The following CSTPP1 variants were observed in gnomAD, a reference collection of about 807,000 sequenced individuals.
CSTPP1 encodes centriolar satellite-associated tubulin polyglutamylase complex regulator 1.
chr11:46,974,620 C>G, the CSTPP1 span, among the ~76,000 whole-genome samples: 2 of 151,138 alleles, frequency 1.3e-5, no homozygotes, highest in African/African-American at 4.9e-5. Flanking sequence ...GTGGGTGGTT[C>G]ACTTGAGATC....
At chr11:47,083,012 T>C in the CSTPP1 span, among the ~76,000 whole-genome samples, 1 of 152,124 alleles carries the variant, frequency 6.6e-6, no homozygotes, top group African/African-American at 2.4e-5. Context: ...CATTAGCTAT[T>C]TTTTCTAATG....
the CSTPP1 span, among the ~76,000 whole-genome samples, chr11:47,078,300 T>G: frequency 6.6e-6 from 1 of 152,180 alleles, no homozygotes. Context: ...CCATTTTAGT[T>G]GAGTGACGGA....
the CSTPP1 span, among the ~76,000 whole-genome samples, chr11:47,075,517 A>T: frequency 6.6e-6 from 1 of 152,212 alleles, no homozygotes; most frequent in Admixed American, 6.5e-5. Context: ...CATAAGTAAA[A>T]ACTGATTTGG....
chr11:47,055,169 G>A, the CSTPP1 span, among the ~76,000 whole-genome samples: 4 of 151,964 alleles, frequency 2.6e-5, no homozygotes, highest in Admixed American at 1.3e-4. Context: ...CTGGGCTCAA[G>A]CCACTCGTCC....
chr11:46,992,226 AT>A, the CSTPP1 span, among the ~76,000 whole-genome samples: 77 of 149,968 alleles, frequency 5.1e-4, 1 homozygote, highest in African/African-American at 8.3e-4. Flanking sequence ...TTCTTTTTTT[AT>A]TTTTTTTATT....
the CSTPP1 span, among the ~76,000 whole-genome samples, chr11:47,013,403 G>A: frequency 1.3e-5 from 2 of 151,936 alleles, no homozygotes; most frequent in Non-Finnish European, 2.9e-5. Context: ...TCTCCCTCCT[G>A]CACCCCTCCT....
At chr11:47,128,915 G>C in the CSTPP1 span, among the ~76,000 whole-genome samples, 1 of 151,924 alleles carries the variant, frequency 6.6e-6, no homozygotes, top group Non-Finnish European at 1.5e-5. Context: ...CTTCATTCTG[G>C]CTTTAAACAC....
chr11:46,943,842 G>T, the CSTPP1 span, among the ~76,000 whole-genome samples: 1 of 151,862 alleles, frequency 6.6e-6, no homozygotes, highest in Non-Finnish European at 1.5e-5. Context: ...GACATAGTGA[G>T]ACTTCGTCTC....
At chr11:47,155,993 T>C in the CSTPP1 span, 1 of 152,220 alleles carries the variant, frequency 6.6e-6, no homozygotes, top group Non-Finnish European at 1.5e-5. Context: ...GGTTTACAAA[T>C]TGCTGACTGT....
At chr11:46,978,939 T>A in the CSTPP1 span, among the ~76,000 whole-genome samples, 44 of 152,230 alleles carry the variant, frequency 2.9e-4, no homozygotes, top group African/African-American at 1.0e-3. Flanking sequence ...GAATGCCAAC[T>A]AATTTTTATG....
At chr11:47,113,044 A>G in the CSTPP1 span, among the ~76,000 whole-genome samples, 1 of 152,172 alleles carries the variant, frequency 6.6e-6, no homozygotes, top group East Asian at 1.9e-4. Context: ...CCTGTGTCCA[A>G]GTGATCTCAT....
chr11:47,072,883 G>A, the CSTPP1 span, among the ~76,000 whole-genome samples: 2 of 152,150 alleles, frequency 1.3e-5, no homozygotes, highest in African/African-American at 2.4e-5. Flanking sequence ...GAGCAAATAT[G>A]TGATAATATT....
At chr11:47,011,653 G>T in the CSTPP1 span, among the ~76,000 whole-genome samples, 1 of 152,132 alleles carries the variant, frequency 6.6e-6, no homozygotes, top group African/African-American at 2.4e-5. Flanking sequence ...CAAGAACTAC[G>T]ACTGGCTTGT....
the CSTPP1 span, among the ~76,000 whole-genome samples, chr11:47,107,701 G>T: frequency 6.6e-6 from 1 of 152,104 alleles, no homozygotes; most frequent in Non-Finnish European, 1.5e-5. Context: ...TCTATTAGAA[G>T]ATTCTCCTAA....
chr11:47,104,822 G>GGAATGCTGC, the CSTPP1 span, among the ~76,000 whole-genome samples: 6 of 152,164 alleles, frequency 3.9e-5, no homozygotes, highest in African/African-American at 1.2e-4. Flanking sequence ...TATGACCCCA[G>GGAATGCTGC]GAATGCTGCA....
chr11:47,141,374 C>A, the CSTPP1 span, among the ~76,000 whole-genome samples: 2 of 152,052 alleles, frequency 1.3e-5, no homozygotes, highest in African/African-American at 4.8e-5. Context: ...GTGGCTCATG[C>A]CTGTAATCCC....
chr11:47,014,198 AAGAG>A, the CSTPP1 span, among the ~76,000 whole-genome samples: 3 of 151,780 alleles, frequency 2.0e-5, no homozygotes, highest in South Asian at 2.1e-4. Flanking sequence ...CATGAAAAGA[AAGAG>A]AGAAAGAGAA....
the CSTPP1 span, chr11:47,164,287 CCAGAG>C: frequency 6.3e-7 from 1 of 1,585,138 alleles, no homozygotes; most frequent in Non-Finnish European, 8.6e-7. Flanking sequence ...GAGGCAGGAT[CCAGAG>C]GACACTGCTT....
the CSTPP1 span, among the ~76,000 whole-genome samples, chr11:46,950,624 T>C: frequency 5.9e-5 from 9 of 152,016 alleles, no homozygotes; most frequent in Non-Finnish European, 1.0e-4. Flanking sequence ...CCTTTTTTCT[T>C]TTTTTGAGGT....
Sources: gnomAD v4.1 joint callset for allele counts (sites outside exome capture counted in the v4.1 genomes callset) on GRCh38, gnomAD v4.1.1 for gene constraint, MANE v1.5 for transcripts, NCBI Gene and HGNC (gene_info 2026-07-23, HGNC 2026-07-21) for gene names.